MN1: variants seen among roughly 807,000 people sequenced by gnomAD.
The protein encoded by MN1 is transcriptional activator MN1.
Under a neutral mutation model 86.9 loss-of-function variants are expected in MN1, and 19 were observed. That is an observed-to-expected ratio of 0.22 (90% CI 0.15 to 0.32). The LOEUF (loss-of-function observed/expected upper bound fraction) is 0.32. Ranked by LOEUF, MN1 falls within the 10% of genes least tolerant of loss-of-function variation. The pLI is 1.00. For synonymous variants in MN1, 928 were observed against 849.6 expected (o/e 1.09, Z -1.60); for missense variants, 1,841 against 1,862.0 (o/e 0.99, Z 0.21).
At chr22:27,770,699 C>T (rs1932906838) in intron 1 of MN1, among the ~76,000 whole-genome samples, 1 of 143,836 alleles carries the variant, frequency 7.0e-6, no homozygotes, top group South Asian at 2.1e-4. Flanking sequence ...CACCTTGTCA[C>T]CCTGGCTGGA....
At chr22:27,760,619 C>G (rs1932828383) in intron 1 of MN1, among the ~76,000 whole-genome samples, 1 of 152,180 alleles carries the variant, frequency 6.6e-6, no homozygotes, top group African/African-American at 2.4e-5. Flanking sequence ...GGAACCACAC[C>G]CACAACCCCA....
In MN1 at chr22:27,799,201, G is replaced by T. The variant is rs1933381033; in HGVS notation, c.1343C>A (p.Pro448His). ...PNQRLQHFDA[P>H]PYMNVAKRPR... Reference sequence around the variant, plus strand: ...CCTCTTGGCCACGTTCATGTAGGGGGGCGCGTCGAAATGCTGCAGCCGCTG... The same window carrying T: ...CCTCTTGGCCACGTTCATGTAGGGGTGCGCGTCGAAATGCTGCAGCCGCTG... The change falls in exon 1 of 2, where the codon CCC becomes CAC. Residue 448 changes from proline to histidine, a missense_variant. Physicochemically the swap from Pro to His is moderately conservative, Grantham distance 77. Coordinates refer to ENST00000302326, the MANE Select transcript of MN1 (RefSeq NM_002430.3). 2 of 1,604,110 alleles carry T rather than the reference G, an allele frequency of 1.2e-6. No individual in the cohort carries two copies. The highest frequency in any genetic ancestry group is 1.1e-5 in the South Asian group (1 of 90,524).
At position 27,783,669 on chromosome 22, in the gene MN1, ATGT is replaced by A. The variant is rs570323605; in HGVS notation, c.3781+13091_3781+13093del. Among the ~76,000 whole-genome samples the A allele has an allele frequency of 7.3e-3, 1,114 of 152,270 alleles. 9 individuals carry two copies. Among genetic ancestry groups the A allele is most frequent in the Middle Eastern group, 0.02 (6 of 294 alleles). On this transcript the variant is annotated intron_variant, in intron 1 of 1. Coordinates refer to ENST00000302326, the MANE Select transcript of MN1 (RefSeq NM_002430.3). Reference sequence around the variant, plus strand: ...GGGCTTTCGTTATCTCAACTGGAAAATGTTGTAGGGGAGGGGCACAAAAAACAG... The same window carrying A: ...GGGCTTTCGTTATCTCAACTGGAAAATGTAGGGGAGGGGCACAAAAAACAG...
At chr22:27,787,330 G>C (rs1933148018) in intron 1 of MN1, among the ~76,000 whole-genome samples, 1 of 152,192 alleles carries the variant, frequency 6.6e-6, no homozygotes, top group South Asian at 2.1e-4. Flanking sequence ...CATTGCAGGG[G>C]ATGAAAATGG....
chr22:27,789,646 G>A (rs1403598024), intron 1 of MN1, among the ~76,000 whole-genome samples: 6 of 152,230 alleles, frequency 3.9e-5, no homozygotes, highest in Non-Finnish European at 8.8e-5. Context: ...TTTTGGACAA[G>A]TCCATTCCAT....
intron 1 of MN1, among the ~76,000 whole-genome samples, chr22:27,756,625 T>C (rs1328137315): frequency 6.6e-6 from 1 of 151,846 alleles, no homozygotes; most frequent in Non-Finnish European, 1.5e-5. Context: ...ACGGGAGGAG[T>C]AAGAGAACCT....
At chr22:27,794,313 A>C (rs1933255996) in intron 1 of MN1, among the ~76,000 whole-genome samples, 2 of 152,216 alleles carry the variant, frequency 1.3e-5, no homozygotes, top group African/African-American at 2.4e-5. Flanking sequence ...CAGATACCTT[A>C]TAAAGCCTTA....
At chr22:27,764,422 G>A (rs1289110727) in intron 1 of MN1, among the ~76,000 whole-genome samples, 1 of 152,170 alleles carries the variant, frequency 6.6e-6, no homozygotes, top group Non-Finnish European at 1.5e-5. Context: ...AAGAAATCCA[G>A]CTTAGTTCCT....
intron 1 of MN1, among the ~76,000 whole-genome samples, chr22:27,761,978 G>A (rs1271765857): frequency 6.6e-6 from 1 of 152,160 alleles, no homozygotes; most frequent in Non-Finnish European, 1.5e-5. Context: ...TGAGTCCTAG[G>A]GACTGTCCCT....
rs770298219 is a variant in MN1 at position 27,797,763 on chromosome 22, C to T, written c.2781G>A (p.Thr927=). The T allele has an allele frequency of 1.2e-6, 2 of 1,607,930 alleles. No homozygotes were observed. The highest frequency in any genetic ancestry group is 1.7e-5 in the Admixed American group (1 of 59,602). Residue 927 remains threonine (T), a synonymous_variant, in exon 1 of 2, where the codon ACG becomes ACA. Transcript: ENST00000302326. ...SLSPNYTLES[T]SGNDGKPVSG... ...AGACCGGCTTGCCGTCATTCCCCGA[C>T]GTGGATTCCAGGGTGTAGTTGGGGG...
At position 27,799,948 on chromosome 22, in the gene MN1, C is replaced by T. The variant is rs1424294730; in HGVS notation, c.596G>A (p.Arg199Gln). ...CGGCAGGCCGTGGAAGGAGGCGGCT[C>T]GGTTAGGGCTCTGGTCCAGCGGCAG... ...PCLPLDQSPN[R>Q]AASFHGLPSS... The change falls in exon 1 of 2, where the codon CGA (arginine) becomes CAA (glutamine). Residue 199 changes from arginine (R) to glutamine (Q), a missense_variant. Arg to Gln is a conservative substitution (Grantham distance 43, BLOSUM62 1). Transcript: ENST00000302326. 2.7e-5 allele frequency: 43 copies of T among 1,602,250 alleles called. No homozygotes were observed. Among genetic ancestry groups the T allele is most frequent in the Non-Finnish European group, 3.4e-5 (40 of 1,174,798 alleles).
chr22:27,800,147 G>T lies in MN1; in HGVS notation c.397C>A (p.Leu133Met). The change falls in exon 1 of 2, where the codon CTG (leucine) becomes ATG (methionine). Residue 133 changes from leucine to methionine, a missense_variant. By Grantham distance (15) the Leu-to-Met change is conservative (BLOSUM62 2). Coordinates refer to ENST00000302326, the MANE Select transcript of MN1 (RefSeq NM_002430.3). ...PGASCLHGGR[L>M]LGYGGAAGGL... ...CCGGCTGCGCCGCCGTAGCCGAGCA[G>T]GCGACCCCCGTGCAGGCACGAGGCC... The T allele has an allele frequency of 1.3e-6, 2 of 1,555,536 alleles. No individual in the cohort carries two copies. The highest frequency in any genetic ancestry group is 8.6e-7 in the Non-Finnish European group (1 of 1,156,538).
intron 1 of MN1, among the ~76,000 whole-genome samples, chr22:27,777,560 A>G (rs947513784): frequency 6.6e-6 from 1 of 151,476 alleles, no homozygotes; most frequent in Non-Finnish European, 1.5e-5. Context: ...AGAGAGAGAA[A>G]AAAAAAATAA....
chr22:27,788,477 C>A (rs995380828), intron 1 of MN1, among the ~76,000 whole-genome samples: 2 of 152,118 alleles, frequency 1.3e-5, no homozygotes, highest in African/African-American at 4.8e-5. Flanking sequence ...TGCCGACTTC[C>A]CCACCCCTTC....
intron 1 of MN1, among the ~76,000 whole-genome samples, chr22:27,751,588 A>G (rs1436751801): frequency 1.3e-5 from 2 of 152,160 alleles, no homozygotes; most frequent in South Asian, 2.1e-4. Context: ...AGGGCCTACC[A>G]CGAGCTGGGA....
intron 1 of MN1, among the ~76,000 whole-genome samples, chr22:27,795,439 A>T (rs1027031652): frequency 6.6e-6 from 1 of 151,912 alleles, no homozygotes; most frequent in African/African-American, 2.4e-5. Context: ...GGGTCAAGAC[A>T]TGGCAGGATG....
chr22:27,774,738 A>T (rs1395340418), intron 1 of MN1, among the ~76,000 whole-genome samples: 1 of 152,170 alleles, frequency 6.6e-6, no homozygotes, highest in African/African-American at 2.4e-5. Context: ...CACTGCCATC[A>T]TCCTCATTTC....
chr22:27,763,555 G>T lies in MN1; in HGVS notation c.3782-12459C>A, dbSNP rs117447518. On this transcript the variant is annotated intron_variant, in intron 1 of 1. Transcript: ENST00000302326. ...AAATGGGTTTGGTCATTCCTTCCTT[G>T]CAAAGAAGGGGATGAATTGGTACCC... is the stretch of plus-strand genomic sequence containing the variant. Among the ~76,000 whole-genome samples the T allele has an allele frequency of 3.6e-3, 541 of 152,276 alleles. 22 individuals are homozygous for T. In the East Asian group the frequency reaches 0.086, roughly 24 times the overall value.
At chr22:27,756,738 C>T (rs1932804235) in intron 1 of MN1, among the ~76,000 whole-genome samples, 1 of 152,098 alleles carries the variant, frequency 6.6e-6, no homozygotes. Context: ...TGACACTTAT[C>T]ATTCTTTTGT....
Sources: allele counts gnomAD v4.1 joint callset (sites outside exome capture counted in the v4.1 genomes callset), GRCh38; gene constraint gnomAD v4.1.1; transcripts MANE v1.5; gene names NCBI Gene and HGNC (gene_info 2026-07-23, HGNC 2026-07-21).